LRGUK: variants seen among roughly 807,000 people sequenced by gnomAD.
LRGUK encodes leucine-rich repeat and guanylate kinase domain-containing protein.
Under a neutral mutation model 76.0 loss-of-function variants are expected in LRGUK, and 65 were observed. The ratio of observed to expected loss-of-function variants is 0.85; its 90% CI spans 0.70 to 1.05. The LOEUF (loss-of-function observed/expected upper bound fraction) is 1.05, where lower values mean the gene tolerates loss of function less well. Ranked by LOEUF, LRGUK falls within the 50% of genes least tolerant of loss-of-function variation. The probability of loss-of-function intolerance (pLI) is 0.00; values close to 1 mark genes in which losing one functional copy is unlikely to be tolerated. For missense variants in LRGUK, 758 were observed against 732.8 expected, an observed-to-expected ratio of 1.03 and a Z score of -0.40; for synonymous variants, 268 against 265.6, an observed-to-expected ratio of 1.01 and a Z score of -0.09.
At chr7:134,130,797 T>G (rs1424905539) in intron 1 of LRGUK, among the ~76,000 whole-genome samples, 2 of 152,198 alleles carry the variant, frequency 1.3e-5, no homozygotes, top group East Asian at 3.9e-4. Flanking sequence ...TTCAAAACAC[T>G]GCTGTTGGAA....
chr7:134,192,590 A>G (rs1431820927), intron 12 of LRGUK, among the ~76,000 whole-genome samples: 3 of 152,198 alleles, frequency 2.0e-5, no homozygotes, highest in Non-Finnish European at 4.4e-5. Flanking sequence ...GCCTTCACAT[A>G]CAAAGGGAAC....
At chr7:134,183,884 G>A in intron 11 of LRGUK, 31 bp downstream of exon 11, 4 of 1,608,726 alleles carry the variant, frequency 2.5e-6, no homozygotes, top group Non-Finnish European at 3.4e-6. Flanking sequence ...GTTAAGACTT[G>A]GAAATTCATC....
At chr7:134,182,897 G>A (rs1036262336) in intron 10 of LRGUK, among the ~76,000 whole-genome samples, 3 of 152,140 alleles carry the variant, frequency 2.0e-5, no homozygotes, top group African/African-American at 7.2e-5. Flanking sequence ...GAGTAACTGG[G>A]ATTACGGGTG....
chr7:134,238,764 T>C (rs1802069342), intron 16 of LRGUK, among the ~76,000 whole-genome samples: 2 of 152,192 alleles, frequency 1.3e-5, no homozygotes, highest in Non-Finnish European at 1.5e-5. Flanking sequence ...TCACAATAAC[T>C]TTGGGATTCC....
the LRGUK span, among the ~76,000 whole-genome samples, chr7:134,274,463 A>G: frequency 2.6e-5 from 4 of 152,170 alleles, no homozygotes; most frequent in African/African-American, 4.8e-5. Flanking sequence ...TGTGATATAA[A>G]ATGTTGCTAT....
downstream of LRGUK, among the ~76,000 whole-genome samples, chr7:134,212,143 A>G (rs1256741942): frequency 6.6e-6 from 1 of 152,208 alleles, no homozygotes; most frequent in Non-Finnish European, 1.5e-5. Flanking sequence ...ATGTTCATTA[A>G]TCCTAATCCA....
intron 11 of LRGUK, among the ~76,000 whole-genome samples, chr7:134,186,574 T>G (rs956145600): frequency 3.1e-4 from 47 of 152,230 alleles, no homozygotes; most frequent in African/African-American, 1.0e-3. Context: ...TAAATGACTG[T>G]AATAAGAAGC....
chr7:134,168,913 C>T (rs946468019), intron 7 of LRGUK, among the ~76,000 whole-genome samples: 17 of 152,202 alleles, frequency 1.1e-4, no homozygotes, highest in African/African-American at 4.1e-4. Flanking sequence ...CAAGCCCTGG[C>T]CATGGAGCCA....
chr7:134,127,573 A>G, exon 1 of LRGUK: 2 of 1,614,204 alleles, frequency 1.2e-6, no homozygotes. Context: ...ATGCACCGCT[A>G]TCAGGAGCTG....
At chr7:134,215,752 A>G (rs1205828838) in intron 15 of LRGUK, among the ~76,000 whole-genome samples, 1 of 152,188 alleles carries the variant, frequency 6.6e-6, no homozygotes, top group African/African-American at 2.4e-5. Flanking sequence ...TATGTAGCAC[A>G]GTACGTCTGT....
intron 15 of LRGUK, among the ~76,000 whole-genome samples, chr7:134,218,556 C>A (rs1159581868): frequency 1.3e-5 from 2 of 152,108 alleles, no homozygotes; most frequent in East Asian, 3.8e-4. Flanking sequence ...AACTTGACCC[C>A]CAAATGGTAA....
intron 5 of LRGUK, among the ~76,000 whole-genome samples, chr7:134,154,824 G>C (rs902360885): frequency 6.6e-6 from 1 of 152,214 alleles, no homozygotes; most frequent in Non-Finnish European, 1.5e-5. Context: ...CCAAGCTAGA[G>C]AGTAAGATGG....
At chr7:134,161,229 T>A (rs1798717562) in intron 6 of LRGUK, among the ~76,000 whole-genome samples, 2 of 152,168 alleles carry the variant, frequency 1.3e-5, no homozygotes, top group Non-Finnish European at 2.9e-5. Context: ...GTATATAAAT[T>A]TGATATGTGG....
chr7:134,158,951 G>A (rs911811132), intron 6 of LRGUK, among the ~76,000 whole-genome samples: 1 of 152,054 alleles, frequency 6.6e-6, no homozygotes, highest in African/African-American at 2.4e-5. Flanking sequence ...TCTATCATGG[G>A]GTCAGCAGGC....
At chr7:134,185,623 G>A (rs1007463027) in intron 11 of LRGUK, among the ~76,000 whole-genome samples, 2 of 151,760 alleles carry the variant, frequency 1.3e-5, no homozygotes, top group Non-Finnish European at 2.9e-5. Flanking sequence ...TACTTTTTGT[G>A]TATGGCAAAG....
intron 8 of LRGUK, 68 bp from the exon 9 acceptor site, chr7:134,176,909 C>G: frequency 1.1e-6 from 1 of 909,250 alleles, no homozygotes; most frequent in East Asian, 2.5e-5. Flanking sequence ...TCATGAAAAC[C>G]CAATGCTGGT....
intron 5 of LRGUK, among the ~76,000 whole-genome samples, chr7:134,153,036 G>C (rs56383670): frequency 0.12 from 18,378 of 152,002 alleles, 1,415 homozygotes; most frequent in East Asian, 0.32. Context: ...TTAATTTTCT[G>C]CTGATTGGGC....
intron 16 of LRGUK, among the ~76,000 whole-genome samples, chr7:134,231,420 C>T (rs548011556): frequency 4.4e-5 from 6 of 136,952 alleles, no homozygotes; most frequent in Admixed American, 1.4e-4. Flanking sequence ...CCTTTTTTTC[C>T]TTCCTCCCTT....
chr7:134,178,244 T>C (rs944832240), intron 9 of LRGUK, among the ~76,000 whole-genome samples: 2 of 152,048 alleles, frequency 1.3e-5, no homozygotes, highest in African/African-American at 4.8e-5. Context: ...TTTGCCATTT[T>C]CCCTCCCAAA....
Sources: gnomAD v4.1 joint callset for allele counts (sites outside exome capture counted in the v4.1 genomes callset) on GRCh38, gnomAD v4.1.1 for gene constraint, MANE v1.5 for transcripts, NCBI Gene and HGNC (gene_info 2026-07-23, HGNC 2026-07-21) for gene names.